Variants in PTPRN2 observed in about 807,000 individuals in gnomAD.
PTPRN2 encodes protein tyrosine phosphatase receptor type N2.
PTPRN2 carries 74 observed loss-of-function variants against 118.8 expected under a neutral mutation model. The observed-to-expected ratio is 0.62, with a 90% CI of 0.52 to 0.76. The LOEUF (loss-of-function observed/expected upper bound fraction) is 0.76. PTPRN2 is among the 30% of genes least tolerant of loss of function. The pLI is 0.00. For synonymous variants in PTPRN2, 641 were observed against 608.0 expected, an observed-to-expected ratio of 1.05 and a Z score of -0.80; for missense variants, 1,481 against 1,394.4, an observed-to-expected ratio of 1.06 and a Z score of -0.99.
At chr7:157,571,787 AC>A (rs1799771426) in intron 19 of PTPRN2, among the ~76,000 whole-genome samples, 1 of 152,102 alleles carries the variant, frequency 6.6e-6, no homozygotes, top group African/African-American at 2.4e-5. Context: ...TGCCCGTCCC[AC>A]CCCTGCAGGC....
At chr7:158,430,002 G>T (rs538578016) in intron 2 of PTPRN2, among the ~76,000 whole-genome samples, 10 of 152,206 alleles carry the variant, frequency 6.6e-5, no homozygotes, top group African/African-American at 2.4e-4. Flanking sequence ...CTGCCTCCTG[G>T]GTTTAAGCAA....
At chr7:157,939,772 T>G (rs1321869345) in intron 11 of PTPRN2, among the ~76,000 whole-genome samples, 1 of 152,228 alleles carries the variant, frequency 6.6e-6, no homozygotes, top group African/African-American at 2.4e-5. Flanking sequence ...GCAGTTGGTT[T>G]TGCTAGGCCC....
At chr7:158,204,198 C>T (rs550913767) in intron 4 of PTPRN2, among the ~76,000 whole-genome samples, 9 of 148,174 alleles carry the variant, frequency 6.1e-5, no homozygotes, top group African/African-American at 2.2e-4. Context: ...CAGCGTGCGC[C>T]GTGTGGTGAA....
chr7:158,112,445 G>A (rs906845905), intron 9 of PTPRN2, among the ~76,000 whole-genome samples: 4 of 152,180 alleles, frequency 2.6e-5, no homozygotes, highest in African/African-American at 7.2e-5. Context: ...GCCTGGAGAC[G>A]AGTGCAGGAG....
At chr7:158,201,332 A>G (rs148965653) in intron 4 of PTPRN2, among the ~76,000 whole-genome samples, 1,644 of 152,340 alleles carry the variant, frequency 0.011, 31 homozygotes, top group African/African-American at 0.036. Flanking sequence ...GAGGTCTGGG[A>G]AGTCATACCC....
chr7:158,553,884 T>C (rs963708045), intron 1 of PTPRN2, among the ~76,000 whole-genome samples: 1 of 137,804 alleles, frequency 7.3e-6, no homozygotes, highest in African/African-American at 2.8e-5. Flanking sequence ...TGTACACAAC[T>C]TCCCCATGTA....
chr7:157,562,976 T>G (rs113622915), intron 21 of PTPRN2, among the ~76,000 whole-genome samples: 41 of 64,516 alleles, frequency 6.4e-4, no homozygotes, highest in South Asian at 1.7e-3. Context: ...GTGCTCCCGC[T>G]TCACCACACA....
chr7:158,587,737 G>C lies in PTPRN2; in HGVS notation c.-68C>G, dbSNP rs1312585981. 7.2e-6 allele frequency: 8 copies of C among 1,110,006 alleles called. No individual in the cohort carries two copies. The highest frequency in any genetic ancestry group is 3.9e-4 in the Middle Eastern group (1 of 2,580). 68.8% of individuals were successfully genotyped at this position (1,110,006 alleles called of 1,614,324 possible). A position where few individuals can be genotyped will look rare whatever the true frequency, so the allele number is the denominator to read the frequency against. On this transcript the variant is annotated 5_prime_UTR_variant, in exon 1 of 23. Coordinates refer to ENST00000389418, the MANE Select transcript of PTPRN2 (RefSeq NM_002847.5). ...GAGGCGGCGGGAGGCGGCCGAGTCC[G>C]GGCCCAGGGAGGCGCGCGCCGCCGG...
chr7:157,726,504 G>A (rs1799610642), intron 12 of PTPRN2, among the ~76,000 whole-genome samples: 1 of 152,370 alleles, frequency 6.6e-6, no homozygotes, highest in East Asian at 1.9e-4. Flanking sequence ...CAGAGTGGCT[G>A]GACGCACACT....
chr7:158,561,960 G>C (rs1180136142), intron 1 of PTPRN2, among the ~76,000 whole-genome samples: 1 of 152,198 alleles, frequency 6.6e-6, no homozygotes, highest in African/African-American at 2.4e-5. Flanking sequence ...AGCTCACTGA[G>C]GGCTGAGACA....
At chr7:158,113,059 A>G (rs2335846) in intron 9 of PTPRN2, among the ~76,000 whole-genome samples, 146,391 of 151,628 alleles carry the variant, frequency 0.97, 70,720 homozygotes, top group Middle Eastern at 0.98. Context: ...GGGCCCCCCA[A>G]CATTTAGGGC....
At chr7:158,264,865 A>T (rs2150940847) in intron 3 of PTPRN2, among the ~76,000 whole-genome samples, 1 of 152,228 alleles carries the variant, frequency 6.6e-6, no homozygotes. Context: ...ACTTTCCTTG[A>T]TGCCCGGGAG....
intron 12 of PTPRN2, among the ~76,000 whole-genome samples, chr7:157,897,350 C>T (rs1797189412): frequency 6.6e-6 from 1 of 152,180 alleles, no homozygotes; most frequent in Admixed American, 6.5e-5. Flanking sequence ...GCATCGGTCA[C>T]TGCACCTTCC....
At chr7:157,599,295 C>A (rs1233404485) in intron 16 of PTPRN2, among the ~76,000 whole-genome samples, 1 of 152,194 alleles carries the variant, frequency 6.6e-6, no homozygotes, top group Non-Finnish European at 1.5e-5. Context: ...CAGGCATAAG[C>A]CACTGCGCCT....
intron 10 of PTPRN2, among the ~76,000 whole-genome samples, chr7:158,107,353 G>A (rs1279905840): frequency 2.0e-5 from 3 of 152,072 alleles, no homozygotes; most frequent in Non-Finnish European, 4.4e-5. Context: ...TAAGTCCCTG[G>A]TGTGCTGAAA....
rs529671652 is a variant in PTPRN2, at chr7:158,388,297, T to C, written c.164-71365A>G. Among the ~76,000 whole-genome samples the C allele has an allele frequency of 5.3e-5, 8 of 152,264 alleles. No homozygotes were observed. In the East Asian group the frequency reaches 1.6e-3, roughly 30 times the overall value. The stretch of plus-strand genomic sequence containing the variant: ...GCACCAAGGTCCCAGAATTCACAGC[T>C]TCTGGGCTCGGTCCCGCAAGACCAC... On this transcript the variant is annotated intron_variant, in intron 2 of 22. Coordinates refer to ENST00000389418, the MANE Select transcript of PTPRN2 (RefSeq NM_002847.5).
chr7:158,045,397 T>G (rs1438824280), intron 11 of PTPRN2, among the ~76,000 whole-genome samples: 2 of 152,184 alleles, frequency 1.3e-5, no homozygotes, highest in East Asian at 3.9e-4. Flanking sequence ...ATCCCAGCTA[T>G]CCAGATAAAT....
intron 12 of PTPRN2, among the ~76,000 whole-genome samples, chr7:157,897,477 A>G (rs1797198555): frequency 6.6e-6 from 1 of 152,182 alleles, no homozygotes; most frequent in Non-Finnish European, 1.5e-5. Flanking sequence ...CCAGCTGCCC[A>G]ACACCTCATT....
chr7:157,595,209 AAG>A, intron 17 of PTPRN2, 27 bp downstream of exon 17: 2 of 1,605,858 alleles, frequency 1.2e-6, no homozygotes, highest in Middle Eastern at 1.7e-4. Flanking sequence ...TCTTTTCAGA[AAG>A]AGAGATTTTA....
Sources: allele counts gnomAD v4.1 joint callset (sites outside exome capture counted in the v4.1 genomes callset), GRCh38; gene constraint gnomAD v4.1.1; transcripts MANE v1.5; gene names NCBI Gene and HGNC (gene_info 2026-07-23, HGNC 2026-07-21).